The following FGF14 variants were observed in gnomAD, a reference collection of about 807,000 sequenced individuals.
FGF14 encodes fibroblast growth factor homologous factor 4.
A neutral mutation model predicts 25.5 loss-of-function variants in FGF14; 5 were observed. That is an observed-to-expected ratio of 0.20 (90% CI 0.10 to 0.41). The LOEUF (loss-of-function observed/expected upper bound fraction) is 0.41, where lower values mean the gene tolerates loss of function less well. Ranked by LOEUF, FGF14 falls within the 10% of genes least tolerant of loss-of-function variation. The pLI, the probability that FGF14 is intolerant of heterozygous loss-of-function variation, is 1.00. For missense variants in FGF14, 222 were observed against 320.1 expected, an observed-to-expected ratio of 0.69 and a Z score of 2.34; for synonymous variants, 138 against 118.3, an observed-to-expected ratio of 1.17 and a Z score of -1.08.
At chr13:102,161,594 A>G (rs1404744575) in intron 1 of FGF14, among the ~76,000 whole-genome samples, 92 of 2,374 alleles carry the variant, frequency 0.039, 1 homozygote, top group African/African-American at 0.057. Context: ...AAGAAGAAGA[A>G]GAAGAAGAAG....
chr13:102,264,690 C>T (rs1301939479), intron 1 of FGF14, among the ~76,000 whole-genome samples: 1 of 152,138 alleles, frequency 6.6e-6, no homozygotes, highest in African/African-American at 2.4e-5. Flanking sequence ...GGGACTAAAA[C>T]ACCTGAGTCA....
chr13:102,102,288 A>G (rs2044699618), intron 1 of FGF14, among the ~76,000 whole-genome samples: 1 of 152,232 alleles, frequency 6.6e-6, no homozygotes, highest in Non-Finnish European at 1.5e-5. Context: ...CCAAGAAATC[A>G]TGAGTTTAGA....
At chr13:102,196,051 G>A (rs2049337146) in intron 1 of FGF14, among the ~76,000 whole-genome samples, 1 of 152,184 alleles carries the variant, frequency 6.6e-6, no homozygotes, top group South Asian at 2.1e-4. Context: ...CAGGATGTAT[G>A]TGTCACCTCT....
intron 1 of FGF14, among the ~76,000 whole-genome samples, chr13:101,983,532 T>C (rs115096969): frequency 0.02 from 2,993 of 152,218 alleles, 100 homozygotes; most frequent in African/African-American, 0.069. Context: ...AACATTTTAA[T>C]GTCTTTGATT....
chr13:102,310,330 C>T (rs921277498), intron 1 of FGF14, among the ~76,000 whole-genome samples: 2 of 152,144 alleles, frequency 1.3e-5, no homozygotes, highest in African/African-American at 4.8e-5. Context: ...TATATTTTTA[C>T]TGTTTGTTTG....
At chr13:102,064,589 A>G (rs1595152646) in intron 1 of FGF14, among the ~76,000 whole-genome samples, 1 of 152,184 alleles carries the variant, frequency 6.6e-6, no homozygotes, top group South Asian at 2.1e-4. Context: ...AATAAAAGGT[A>G]GCCTTAAAAT....
chr13:102,093,024 C>T (rs2044235538), intron 1 of FGF14, among the ~76,000 whole-genome samples: 1 of 152,066 alleles, frequency 6.6e-6, no homozygotes, highest in Non-Finnish European at 1.5e-5. Flanking sequence ...ATTCGGGAAA[C>T]CTGTTGGTGT....
At position 101,812,636 on chromosome 13, in the gene FGF14, TATATATATATATATATA is replaced by T. The variant is rs1189314313; in HGVS notation, c.408+56072_408+56088del. Among the ~76,000 whole-genome samples the T allele has an allele frequency of 5.4e-3, 74 of 13,756 alleles. 2 individuals are homozygous for T. The highest frequency in any genetic ancestry group is 0.016 in the Middle Eastern group (1 of 62). 9.0% of individuals were successfully genotyped at this position (13,756 alleles called of 152,430 possible). Reference sequence around the variant, plus strand: ...CTATATATATATATATATATATATATATATATATATATATATATTTTTTTTTTTTTTTTTTTTTTTTT... The same window carrying T: ...CTATATATATATATATATATATATATTTTTTTTTTTTTTTTTTTTTTTTTT... On this transcript the variant is annotated intron_variant, in intron 3 of 4. Coordinates refer to ENST00000376143, the MANE Select transcript of FGF14 (RefSeq NM_004115.4).
chr13:102,344,090 CT>C (rs2057032236), intron 1 of FGF14, among the ~76,000 whole-genome samples: 1 of 152,160 alleles, frequency 6.6e-6, no homozygotes. Context: ...CTTTTTTCTA[CT>C]TCTACCAGAA....
At chr13:102,139,477 T>C (rs2046546760) in intron 1 of FGF14, among the ~76,000 whole-genome samples, 1 of 151,994 alleles carries the variant, frequency 6.6e-6, no homozygotes, top group African/African-American at 2.4e-5. Context: ...TGATAAAATA[T>C]GTAAAATGCT....
At chr13:101,769,794 G>A (rs990672468) in intron 3 of FGF14, among the ~76,000 whole-genome samples, 7 of 152,086 alleles carry the variant, frequency 4.6e-5, no homozygotes, top group African/African-American at 1.7e-4. Context: ...TGGTTGCCAG[G>A]AAATGGGGTG....
intron 1 of FGF14, among the ~76,000 whole-genome samples, chr13:102,060,934 CAGA>C (rs1193513186): frequency 2.0e-5 from 3 of 152,178 alleles, no homozygotes; most frequent in Non-Finnish European, 4.4e-5. Flanking sequence ...AACACACCAG[CAGA>C]AGAACACACC....
chr13:101,854,676 A>G (rs183034397), intron 3 of FGF14, among the ~76,000 whole-genome samples: 3 of 152,180 alleles, frequency 2.0e-5, no homozygotes. Context: ...AGAGGCCCAT[A>G]TGCTTAAATA....
intron 4 of FGF14, among the ~76,000 whole-genome samples, chr13:101,724,015 G>T (rs1432001177): frequency 2.0e-5 from 3 of 152,072 alleles, no homozygotes; most frequent in Non-Finnish European, 4.4e-5. Flanking sequence ...TGCATCACGT[G>T]AGTTTTCATC....
chr13:102,159,139 CAA>C (rs1228096265), intron 1 of FGF14, among the ~76,000 whole-genome samples: 5 of 74,124 alleles, frequency 6.7e-5, no homozygotes, highest in Non-Finnish European at 8.1e-5. Context: ...GACTCTGTCT[CAA>C]AAAAAAAAAA....
At chr13:101,788,493 G>T (rs1202195609) in intron 3 of FGF14, among the ~76,000 whole-genome samples, 1 of 152,062 alleles carries the variant, frequency 6.6e-6, no homozygotes. Context: ...ATAAAAAGAG[G>T]CAGTTTTGAG....
At chr13:102,160,118 G>A (rs1010452191) in intron 1 of FGF14, among the ~76,000 whole-genome samples, 1 of 152,112 alleles carries the variant, frequency 6.6e-6, no homozygotes, top group African/African-American at 2.4e-5. Flanking sequence ...CCAATATGGG[G>A]GGCTCTAAGA....
rs537222824 is a variant in FGF14 at position 102,082,028 on chromosome 13, T to C, written c.209-206732A>G. On this transcript the variant is annotated intron_variant, in intron 1 of 4. Transcript: ENST00000376131. The stretch of plus-strand genomic sequence containing the variant: ...CAAAACAAACAGGGAAGCCAAAAAT[T>C]CCATATCAGGATGTTATGAATTTAC... Among the ~76,000 whole-genome samples the C allele has an allele frequency of 5.5e-4, 84 of 152,184 alleles. 1 individual carries two copies. Among genetic ancestry groups the C allele is most frequent in the South Asian group, 4.6e-3 (22 of 4,826 alleles).
chr13:101,897,142 G>A (rs564066466), intron 1 of FGF14, among the ~76,000 whole-genome samples: 1 of 152,252 alleles, frequency 6.6e-6, no homozygotes, highest in South Asian at 2.1e-4. Context: ...CTGATCCATA[G>A]ACATGTGGAA....
Sources: gnomAD v4.1 joint callset for allele counts (sites outside exome capture counted in the v4.1 genomes callset) on GRCh38, gnomAD v4.1.1 for gene constraint, MANE v1.5 for transcripts, NCBI Gene and HGNC (gene_info 2026-07-23, HGNC 2026-07-21) for gene names.